Variants in NTN1 observed in about 807,000 individuals in gnomAD.
NTN1 encodes the protein netrin-1.
NTN1 carries 11 observed loss-of-function variants against 54.2 expected under a neutral mutation model. The ratio of observed to expected loss-of-function variants is 0.20; its 90% CI spans 0.13 to 0.34. The LOEUF is 0.34. NTN1 is among the 10% of genes least tolerant of loss of function. The pLI is 1.00. For synonymous variants in NTN1, 371 were observed against 382.0 expected (o/e 0.97, Z 0.33); for missense variants, 740 against 893.1 (o/e 0.83, Z 2.18).
chr17:9,138,920 A>T (rs916019950), intron 2 of NTN1, among the ~76,000 whole-genome samples: 2 of 152,136 alleles, frequency 1.3e-5, no homozygotes, highest in African/African-American at 4.8e-5. Context: ...GGCAGTGAGC[A>T]GATGCATCCA....
At chr17:9,096,086 T>A (rs1260704257) in intron 2 of NTN1, among the ~76,000 whole-genome samples, 1 of 151,956 alleles carries the variant, frequency 6.6e-6, no homozygotes, top group Non-Finnish European at 1.5e-5. Flanking sequence ...CGTGAGCAAC[T>A]GCTTCCAGCC....
At chr17:9,103,779 G>A (rs2142244373) in intron 2 of NTN1, among the ~76,000 whole-genome samples, 1 of 152,026 alleles carries the variant, frequency 6.6e-6, no homozygotes, top group Middle Eastern at 3.4e-3. Context: ...GGTGAAAAAA[G>A]CTAGACACAA....
At chr17:9,005,146 T>C in the NTN1 span, among the ~76,000 whole-genome samples, 1 of 152,146 alleles carries the variant, frequency 6.6e-6, no homozygotes, top group Non-Finnish European at 1.5e-5. Flanking sequence ...AACATTCTCC[T>C]GGGAGCTTTA....
chr17:9,117,541 C>T (rs915782651), intron 2 of NTN1, among the ~76,000 whole-genome samples: 36 of 151,896 alleles, frequency 2.4e-4, no homozygotes, highest in African/African-American at 8.2e-4. Context: ...GTCAGGAGTT[C>T]GAGACCAGCC....
intron 2 of NTN1, among the ~76,000 whole-genome samples, chr17:9,117,785 A>C (rs1404922128): frequency 6.6e-6 from 1 of 151,038 alleles, no homozygotes; most frequent in Non-Finnish European, 1.5e-5. Context: ...AAAAAAAAAA[A>C]AACAAGCTTC....
intron 5 of NTN1, among the ~76,000 whole-genome samples, chr17:9,183,984 G>T (rs766020104): frequency 2.0e-4 from 30 of 152,264 alleles, no homozygotes; most frequent in Non-Finnish European, 3.5e-4. Context: ...GTGACAGTGG[G>T]GCACCCCAGC....
chr17:9,182,360 C>T (rs1456585758), intron 4 of NTN1, among the ~76,000 whole-genome samples: 1 of 152,214 alleles, frequency 6.6e-6, no homozygotes, highest in African/African-American at 2.4e-5. Context: ...ACTCTCAGTC[C>T]CATTCTGCCC....
At chr17:9,179,428 G>A (rs1191242108) in intron 3 of NTN1, among the ~76,000 whole-genome samples, 2 of 152,152 alleles carry the variant, frequency 1.3e-5, no homozygotes, top group Non-Finnish European at 1.5e-5. Context: ...CGCATAAGCC[G>A]ACCCTGTCAA....
chr17:9,167,866 T>C (rs1450794963), intron 3 of NTN1, among the ~76,000 whole-genome samples: 3 of 152,218 alleles, frequency 2.0e-5, no homozygotes, highest in Non-Finnish European at 1.5e-5. Context: ...TCATCAGCAT[T>C]ATTTGTCTGT....
the NTN1 span, among the ~76,000 whole-genome samples, chr17:9,013,691 T>C: frequency 1.3e-5 from 2 of 152,212 alleles, no homozygotes; most frequent in Non-Finnish European, 2.9e-5. Flanking sequence ...TCTCTAAACC[T>C]TGAGGTTTCA....
intron 3 of NTN1, among the ~76,000 whole-genome samples, chr17:9,167,060 C>T (rs953867197): frequency 6.6e-6 from 1 of 152,174 alleles, no homozygotes; most frequent in Non-Finnish European, 1.5e-5. Flanking sequence ...AGGGTTGGTG[C>T]GTACAAAGGA....
chr17:9,110,672 C>T (rs1194348933), intron 2 of NTN1, among the ~76,000 whole-genome samples: 1 of 152,164 alleles, frequency 6.6e-6, no homozygotes, highest in Non-Finnish European at 1.5e-5. Context: ...GGTGTTTTCT[C>T]CTATTTCAGG....
chr17:9,142,918 T>C (rs547376829), intron 2 of NTN1, among the ~76,000 whole-genome samples: 1 of 152,314 alleles, frequency 6.6e-6, no homozygotes, highest in African/African-American at 2.4e-5. Context: ...GATGACGTAA[T>C]AAAATCAATA....
chr17:9,056,661 G>A (rs2091980387), intron 2 of NTN1, among the ~76,000 whole-genome samples: 2 of 152,230 alleles, frequency 1.3e-5, no homozygotes, highest in South Asian at 2.1e-4. Context: ...GGTAGTTTGG[G>A]GCCGAGGAAG....
chr17:9,230,521 G>C (rs925252162), intron 6 of NTN1, among the ~76,000 whole-genome samples: 1 of 151,856 alleles, frequency 6.6e-6, no homozygotes, highest in African/African-American at 2.4e-5. Context: ...GTCTGAGGTC[G>C]TGGAATGCGG....
chr17:9,215,276 CACACACACACACAT>C (rs1403780699), intron 5 of NTN1, among the ~76,000 whole-genome samples: 15 of 149,496 alleles, frequency 1.0e-4, no homozygotes, highest in Admixed American at 1.3e-4. Flanking sequence ...CACACACACA[CACACACACACACAT>C]ACACACATGG....
chr17:9,082,496 A>G (rs1241306616), intron 2 of NTN1, among the ~76,000 whole-genome samples: 1 of 152,222 alleles, frequency 6.6e-6, no homozygotes, highest in Non-Finnish European at 1.5e-5. Context: ...TCATAGAAAC[A>G]ACCACACTTT....
chr17:9,079,233 G>A (rs1018181042), intron 2 of NTN1, among the ~76,000 whole-genome samples: 12 of 152,216 alleles, frequency 7.9e-5, no homozygotes, highest in Non-Finnish European at 1.5e-4. Context: ...GCTCCAGGGT[G>A]GTGGGGTCAC....
At chr17:9,237,503 A>G (rs1209425394) in intron 6 of NTN1, among the ~76,000 whole-genome samples, 1 of 152,242 alleles carries the variant, frequency 6.6e-6, no homozygotes, top group East Asian at 1.9e-4. Context: ...GACACCATTC[A>G]GCACACAGCA....
Sources: allele counts gnomAD v4.1 joint callset (sites outside exome capture counted in the v4.1 genomes callset), GRCh38; gene constraint gnomAD v4.1.1; transcripts MANE v1.5; gene names NCBI Gene and HGNC (gene_info 2026-07-23, HGNC 2026-07-21).